XKR9: variants seen among roughly 807,000 people sequenced by gnomAD.
XKR9 encodes XK-related protein 9.
A neutral mutation model predicts 32.0 loss-of-function variants in XKR9; 32 were observed. The observed-to-expected ratio is 1.00, with a 90% CI of 0.76 to 1.34. XKR9 has a LOEUF of 1.34. XKR9 is among the 40% of genes most tolerant of loss of function. XKR9 has a pLI of 0.00. For missense variants in XKR9, 546 were observed against 429.7 expected, an observed-to-expected ratio of 1.27 and a Z score of -2.39; for synonymous variants, 168 against 143.4, an observed-to-expected ratio of 1.17 and a Z score of -1.22.
At chr8:70,972,018 G>C in the XKR9 span, among the ~76,000 whole-genome samples, 4 of 151,956 alleles carry the variant, frequency 2.6e-5, no homozygotes, top group Admixed American at 2.0e-4. Flanking sequence ...ATTTTTGTGG[G>C]TATTGCATTG....
At position 70,680,826 on chromosome 8, in the gene XKR9, TA is replaced by T; in HGVS notation, c.-230del. On this transcript the variant is annotated 5_prime_UTR_variant, in exon 3 of 5. Coordinates refer to ENST00000408926, the MANE Select transcript of XKR9 (RefSeq NM_001011720.2). ...GATCATTGTGAAACAGAAGATTGAT[TA>T]AAGCCTTGTAACATTGGACCTAGAT... The T allele has an allele frequency of 3.0e-6, 1 of 328,272 alleles. No individual in the cohort carries two copies. The highest frequency in any genetic ancestry group is 9.1e-4 in the Middle Eastern group (1 of 1,102). The allele number at this position is 328,272 out of a possible 1,614,324, so 20.3% of individuals were successfully genotyped here. A position where few individuals can be genotyped will look rare whatever the true frequency, so the allele number is the denominator to read the frequency against.
At chr8:70,736,900 G>C (rs533202618), downstream of XKR9, among the ~76,000 whole-genome samples, 2 of 152,062 alleles carry the variant, frequency 1.3e-5, no homozygotes, top group South Asian at 4.2e-4. Flanking sequence ...GTCAGGTAGC[G>C]TGATGCCTCC....
At chr8:71,024,340 C>T in the XKR9 span, among the ~76,000 whole-genome samples, 1 of 152,166 alleles carries the variant, frequency 6.6e-6, no homozygotes, top group South Asian at 2.1e-4. Context: ...GTGTGCAGGA[C>T]ACAGTGTGGA....
intron 2 of XKR9, among the ~76,000 whole-genome samples, chr8:70,675,395 A>G (rs559977503): frequency 6.6e-5 from 10 of 152,270 alleles, no homozygotes; most frequent in Admixed American, 5.2e-4. Flanking sequence ...AGTTTTGCAA[A>G]TATCTTTAGC....
the XKR9 span, among the ~76,000 whole-genome samples, chr8:71,051,471 T>A: frequency 6.6e-6 from 1 of 152,080 alleles, no homozygotes; most frequent in Non-Finnish European, 1.5e-5. Flanking sequence ...TCACTGGAAG[T>A]AGAATTGACT....
intron 2 of XKR9, among the ~76,000 whole-genome samples, chr8:70,753,006 T>G (rs1445993497): frequency 6.6e-6 from 1 of 151,886 alleles, no homozygotes; most frequent in East Asian, 1.9e-4. Context: ...TCAACAAAAT[T>G]GATAGACCGC....
At chr8:70,814,425 T>C in the XKR9 span, among the ~76,000 whole-genome samples, 4 of 151,308 alleles carry the variant, frequency 2.6e-5, no homozygotes, top group Admixed American at 6.6e-5. Context: ...ACATGTACCC[T>C]AAAACTTAAA....
intron 2 of XKR9, among the ~76,000 whole-genome samples, chr8:70,768,141 A>G (rs1346142298): frequency 6.6e-6 from 1 of 152,148 alleles, no homozygotes; most frequent in Non-Finnish European, 1.5e-5. Flanking sequence ...CATTGGTTTC[A>G]AAGAACTTAT....
At chr8:70,828,834 T>C in the XKR9 span, among the ~76,000 whole-genome samples, 3 of 152,216 alleles carry the variant, frequency 2.0e-5, no homozygotes, top group Non-Finnish European at 2.9e-5. Flanking sequence ...ATATTATCCA[T>C]TGGGTCATTA....
At chr8:70,721,694 C>T (rs1308403286) in intron 4 of XKR9, among the ~76,000 whole-genome samples, 10 of 152,230 alleles carry the variant, frequency 6.6e-5, no homozygotes, top group Admixed American at 6.5e-4. Context: ...CATTCTTTTG[C>T]ATTTCCTGAG....
chr8:70,748,618 C>T (rs557889208), intron 2 of XKR9, among the ~76,000 whole-genome samples: 13 of 152,240 alleles, frequency 8.5e-5, no homozygotes, highest in South Asian at 4.2e-4. Context: ...GGAGCCTGGG[C>T]GCTGTGGATG....
chr8:70,975,645 C>G, the XKR9 span, among the ~76,000 whole-genome samples: 2 of 152,128 alleles, frequency 1.3e-5, no homozygotes, highest in Non-Finnish European at 2.9e-5. Flanking sequence ...ATTACTGTAG[C>G]CTTGTAGTAT....
intron 1 of XKR9, chr8:70,670,633 G>T (rs1316193469): frequency 6.6e-6 from 1 of 151,940 alleles, no homozygotes; most frequent in Non-Finnish European, 1.5e-5. Context: ...GCAGCATAGT[G>T]TATCAGAGTG....
chr8:70,816,238 C>T, the XKR9 span, among the ~76,000 whole-genome samples: 1 of 152,166 alleles, frequency 6.6e-6, no homozygotes, highest in Non-Finnish European at 1.5e-5. Context: ...AGCACATACA[C>T]GATTGAAAGG....
the XKR9 span, among the ~76,000 whole-genome samples, chr8:70,973,876 C>T: frequency 6.6e-6 from 1 of 152,180 alleles, no homozygotes; most frequent in East Asian, 1.9e-4. Context: ...CATTTTGTGG[C>T]CTATCATATG....
At chr8:70,875,942 A>G in the XKR9 span, among the ~76,000 whole-genome samples, 1 of 152,080 alleles carries the variant, frequency 6.6e-6, no homozygotes, top group Non-Finnish European at 1.5e-5. Flanking sequence ...ATGTAGAGGA[A>G]AAAAAAACTC....
the XKR9 span, among the ~76,000 whole-genome samples, chr8:71,030,265 C>T: frequency 6.6e-6 from 1 of 152,066 alleles, no homozygotes; most frequent in Non-Finnish European, 1.5e-5. Flanking sequence ...TATTACTGTA[C>T]TAAATACAGT....
At chr8:71,017,904 T>C in the XKR9 span, among the ~76,000 whole-genome samples, 10 of 152,192 alleles carry the variant, frequency 6.6e-5, no homozygotes, top group Non-Finnish European at 1.3e-4. Context: ...TTTTTTGTTG[T>C]TTTTGGGTGG....
intron 3 of XKR9, among the ~76,000 whole-genome samples, chr8:70,686,423 A>G (rs956477044): frequency 3.3e-5 from 5 of 150,736 alleles, no homozygotes; most frequent in African/African-American, 1.2e-4. Flanking sequence ...ATATATATAT[A>G]TATATATATT....
Sources: allele counts gnomAD v4.1 joint callset (sites outside exome capture counted in the v4.1 genomes callset), GRCh38; gene constraint gnomAD v4.1.1; transcripts MANE v1.5; gene names NCBI Gene and HGNC (gene_info 2026-07-23, HGNC 2026-07-21).